Variants in AGBL1 observed in about 807,000 individuals in gnomAD.
The protein encoded by AGBL1 is AGBL carboxypeptidase 1.
Under a neutral mutation model 118.9 loss-of-function variants are expected in AGBL1, and 130 were observed. The observed-to-expected ratio is 1.09, with a 90% CI of 0.95 to 1.26. AGBL1 has a LOEUF of 1.26. AGBL1 is among the 50% of genes most tolerant of loss of function. The probability of loss-of-function intolerance (pLI) is 0.00; values close to 1 mark genes in which losing one functional copy is unlikely to be tolerated. For missense variants in AGBL1, 1,584 were observed against 1,298.1 expected (o/e 1.22, Z -3.38); for synonymous variants, 555 against 478.9 (o/e 1.16, Z -2.08).
chr15:86,090,774 T>C (rs1895969378), intron 1 of AGBL1, among the ~76,000 whole-genome samples: 1 of 152,184 alleles, frequency 6.6e-6, no homozygotes, highest in Non-Finnish European at 1.5e-5. Flanking sequence ...TCCCCCATGA[T>C]CTAACTCTTA....
At chr15:86,112,710 A>G (rs1897470900) in intron 1 of AGBL1, among the ~76,000 whole-genome samples, 1 of 152,248 alleles carries the variant, frequency 6.6e-6, no homozygotes, top group Non-Finnish European at 1.5e-5. Flanking sequence ...CACTCTCTTC[A>G]GCAGTGTAGG....
chr15:86,778,915 A>T (rs757838329), intron 22 of AGBL1, among the ~76,000 whole-genome samples: 2 of 149,822 alleles, frequency 1.3e-5, no homozygotes, highest in African/African-American at 2.5e-5. Flanking sequence ...TGCAGTAAAG[A>T]CAGGCGTAAG....
At position 86,410,807 on chromosome 15, in the gene AGBL1, GATATATATATAT is replaced by G. The variant is rs36127489; in HGVS notation, c.2555+13285_2555+13296del. Reference sequence around the variant, plus strand: ...AGAGGAAGAGACAAGGTCAAATGTAGATATATATATATATATATATATATATATATATATAAT... The same window carrying G: ...AGAGGAAGAGACAAGGTCAAATGTAGATATATATATATATATATATATAAT... On this transcript the variant is annotated intron_variant, in intron 18 of 22. Transcript: ENST00000614907. Among the ~76,000 whole-genome samples, 19 of 40,360 alleles carry G rather than the reference GATATATATATAT, an allele frequency of 4.7e-4. 1 individual carries two copies. The highest frequency in any genetic ancestry group is 3.3e-3 in the East Asian group (2 of 614). 26.5% of individuals were successfully genotyped at this position (40,360 alleles called of 152,430 possible). A position where few individuals can be genotyped will look rare whatever the true frequency, so the allele number is the denominator to read the frequency against.
At chr15:86,218,156 C>G (rs909370481) in intron 5 of AGBL1, among the ~76,000 whole-genome samples, 4 of 152,054 alleles carry the variant, frequency 2.6e-5, no homozygotes, top group African/African-American at 9.7e-5. Flanking sequence ...ATTAAAGTAC[C>G]AGACCCTCAC....
At chr15:86,517,657 G>T (rs879448080) in intron 18 of AGBL1, among the ~76,000 whole-genome samples, 1 of 151,898 alleles carries the variant, frequency 6.6e-6, no homozygotes, top group Non-Finnish European at 1.5e-5. Flanking sequence ...ATCTTCCCTT[G>T]CTCTCTGGAT....
At chr15:86,711,388 T>C (rs1467772863) in intron 22 of AGBL1, among the ~76,000 whole-genome samples, 6 of 152,228 alleles carry the variant, frequency 3.9e-5, no homozygotes, top group Non-Finnish European at 7.3e-5. Flanking sequence ...AGAAGCCTCA[T>C]GTATCCACCT....
intron 18 of AGBL1, among the ~76,000 whole-genome samples, chr15:86,402,086 G>A (rs918687797): frequency 6.6e-6 from 1 of 151,924 alleles, no homozygotes; most frequent in Non-Finnish European, 1.5e-5. Context: ...CATGAGCATG[G>A]GATGTGTTTC....
At chr15:86,695,633 G>T (rs979191398) in intron 22 of AGBL1, among the ~76,000 whole-genome samples, 12 of 151,738 alleles carry the variant, frequency 7.9e-5, no homozygotes, top group African/African-American at 2.9e-4. Context: ...TTCTTCTGCT[G>T]GGTTTGGGTT....
chr15:86,994,542 A>G (rs1443679056), intron 24 of AGBL1, among the ~76,000 whole-genome samples: 2 of 152,182 alleles, frequency 1.3e-5, no homozygotes, highest in Admixed American at 6.5e-5. Context: ...GTCGTCTTGG[A>G]AAATAGGTTA....
chr15:86,570,861 G>A (rs958951614), intron 21 of AGBL1, among the ~76,000 whole-genome samples: 1 of 152,162 alleles, frequency 6.6e-6, no homozygotes, highest in Non-Finnish European at 1.5e-5. Flanking sequence ...CACTCGACCT[G>A]GCAGGCTGGA....
At chr15:86,873,050 A>G (rs576021344) in intron 22 of AGBL1, among the ~76,000 whole-genome samples, 2 of 152,264 alleles carry the variant, frequency 1.3e-5, no homozygotes, top group Admixed American at 6.5e-5. Context: ...TTCAGCTCCA[A>G]TTTGCTGCCA....
chr15:86,167,303 T>A (rs768627803), intron 5 of AGBL1, among the ~76,000 whole-genome samples: 33 of 151,874 alleles, frequency 2.2e-4, no homozygotes, highest in Non-Finnish European at 4.0e-4. Context: ...TGGAGTGCAG[T>A]GGCCTGATCC....
chr15:86,845,706 G>A (rs1157312321), intron 22 of AGBL1, among the ~76,000 whole-genome samples: 2 of 151,874 alleles, frequency 1.3e-5, no homozygotes, highest in African/African-American at 4.8e-5. Flanking sequence ...TGCGCCCAGG[G>A]TTTTCTTGAT....
intron 21 of AGBL1, among the ~76,000 whole-genome samples, chr15:86,568,055 C>G (rs2083942532): frequency 6.6e-6 from 1 of 152,120 alleles, no homozygotes; most frequent in Non-Finnish European, 1.5e-5. Context: ...TCCTTATGCT[C>G]CCACTTTTAC....
At chr15:86,692,605 T>C (rs903382089) in intron 22 of AGBL1, among the ~76,000 whole-genome samples, 4 of 152,152 alleles carry the variant, frequency 2.6e-5, no homozygotes, top group Non-Finnish European at 5.9e-5. Flanking sequence ...AATTCTTCTT[T>C]CAAATTTTTT....
intron 18 of AGBL1, among the ~76,000 whole-genome samples, chr15:86,478,514 C>A (rs1383288879): frequency 6.6e-6 from 1 of 152,070 alleles, no homozygotes; most frequent in Non-Finnish European, 1.5e-5. Flanking sequence ...ACCTAGGAAT[C>A]CAACTTACAA....
intron 24 of AGBL1, among the ~76,000 whole-genome samples, chr15:87,011,074 C>G (rs928619730): frequency 1.3e-5 from 2 of 152,126 alleles, no homozygotes; most frequent in Non-Finnish European, 2.9e-5. Context: ...TGAGTGAGAC[C>G]ATGTCAGCAG....
intron 23 of AGBL1, among the ~76,000 whole-genome samples, chr15:86,949,216 C>T (rs1488960895): frequency 6.6e-6 from 1 of 151,878 alleles, no homozygotes; most frequent in Admixed American, 6.6e-5. Flanking sequence ...TTTGATAGAA[C>T]AGATTGCAGC....
chr15:86,219,704 A>G (rs12900548), intron 5 of AGBL1, among the ~76,000 whole-genome samples: 84,765 of 151,828 alleles, frequency 0.56, 23,938 homozygotes, highest in South Asian at 0.74. Context: ...AGAATCTTGA[A>G]TCAAACAGTG....
Sources: allele counts gnomAD v4.1 joint callset (sites outside exome capture counted in the v4.1 genomes callset), GRCh38; gene constraint gnomAD v4.1.1; transcripts MANE v1.5; gene names NCBI Gene and HGNC (gene_info 2026-07-23, HGNC 2026-07-21).